NME8: variants seen among roughly 807,000 people sequenced by gnomAD.
NME8 encodes the protein NME/NM23 family member 8, also known as protein NME8.
NME8 carries 72 observed loss-of-function variants against 82.3 expected under a neutral mutation model. The ratio of observed to expected loss-of-function variants is 0.87; its 90% CI spans 0.72 to 1.06. The LOEUF is 1.06. Among genes scored for constraint, NME8 ranks in the 50% least tolerant of loss-of-function variants. NME8 has a pLI of 0.00. For synonymous variants in NME8, 267 were observed against 228.5 expected, an observed-to-expected ratio of 1.17 and a Z score of -1.52; for missense variants, 712 against 685.4, an observed-to-expected ratio of 1.04 and a Z score of -0.43.
intron 15 of NME8, among the ~76,000 whole-genome samples, chr7:37,890,147 G>T (rs541816806): frequency 1.3e-5 from 2 of 151,790 alleles, no homozygotes; most frequent in African/African-American, 4.8e-5. Flanking sequence ...GTACATTTTT[G>T]CCCATTTATT....
chr7:37,873,205 C>A (rs1010028934), intron 11 of NME8, among the ~76,000 whole-genome samples: 14 of 151,970 alleles, frequency 9.2e-5, no homozygotes, highest in African/African-American at 3.1e-4. Flanking sequence ...ACTAAACATG[C>A]AAAAATTGGC....
intron 11 of NME8, among the ~76,000 whole-genome samples, chr7:37,872,858 C>G (rs891381926): frequency 6.6e-6 from 1 of 152,074 alleles, no homozygotes; most frequent in East Asian, 1.9e-4. Context: ...AATAGTCCAC[C>G]CTCAACTGAT....
chr7:37,881,239 T>A (rs1010366243), intron 12 of NME8, among the ~76,000 whole-genome samples: 8 of 152,196 alleles, frequency 5.3e-5, no homozygotes, highest in Non-Finnish European at 1.0e-4. Flanking sequence ...TTTTTTCCGA[T>A]CTTAGAGGCA....
chr7:37,857,456 A>G, intron 6 of NME8, 111 bp downstream of exon 6: 1 of 735,146 alleles, frequency 1.4e-6, no homozygotes, highest in Non-Finnish European at 2.4e-6. Flanking sequence ...TAATTACACA[A>G]TGTTTGCCTT....
rs61443187 is a variant in NME8, at chr7:37,863,218, T to G, written c.388-178T>G. On this transcript the variant is annotated intron_variant, in intron 7 of 17. Transcript: ENST00000199447. ...GCCCCTTCCATTTTAAAACATCCCT[T>G]ATTTTATTTAAGTGGAAAGCTGGAG... Among the ~76,000 whole-genome samples the G allele has an allele frequency of 0.028, 4,308 of 152,256 alleles. 184 individuals are homozygous for G. The highest frequency in any genetic ancestry group is 0.093 in the African/African-American group (3,846 of 41,526).
intron 12 of NME8, among the ~76,000 whole-genome samples, chr7:37,882,611 GA>G: frequency 2.0e-5 from 1 of 49,286 alleles, no homozygotes; most frequent in Middle Eastern, 0.016. Flanking sequence ...GAGAGAGAGA[GA>G]GAGAAAGAAA....
chr7:37,867,186 T>G (rs2131951700), intron 10 of NME8, among the ~76,000 whole-genome samples: 1 of 152,260 alleles, frequency 6.6e-6, no homozygotes, highest in Middle Eastern at 3.4e-3. Context: ...AGCTATCAAT[T>G]ATCAATTTAC....
intron 16 of NME8, 142 bp downstream of exon 16, chr7:37,894,752 C>CT: frequency 1.1e-6 from 1 of 883,462 alleles, no homozygotes; most frequent in Non-Finnish European, 1.7e-6. Flanking sequence ...CATGGTTCAT[C>CT]TTTTTTCTAT....
chr7:37,873,938 T>G (rs1784809922), intron 11 of NME8, among the ~76,000 whole-genome samples: 1 of 152,186 alleles, frequency 6.6e-6, no homozygotes, highest in Non-Finnish European at 1.5e-5. Context: ...TGGCAGCAAT[T>G]GAGAATAAGT....
rs1012039056 is a variant in NME8 at position 37,849,033 on chromosome 7, A to G, written c.-31A>G. The G allele has an allele frequency of 2.6e-5, 4 of 152,256 alleles. No individual in the cohort carries two copies. Among genetic ancestry groups the G allele is most frequent in the African/African-American group, 9.7e-5 (4 of 41,442 alleles). The allele number at this position is 152,256 out of a possible 1,614,324, so 9.4% of individuals were successfully genotyped here. A position where few individuals can be genotyped will look rare whatever the true frequency, so the allele number is the denominator to read the frequency against. ...TCCTTTTCTTTAAACGTCCCAGTCT[A>G]GCTTAGAGGAGGACCTGTTTTGTGT... On this transcript the variant is annotated 5_prime_UTR_variant, in exon 2 of 18. Coordinates refer to ENST00000199447, the MANE Select transcript of NME8 (RefSeq NM_016616.5).
Position 37,851,981 on chromosome 7 carries a change from T to C in NME8, c.198+1246T>C, listed in dbSNP as rs1180062207. Among the ~76,000 whole-genome samples the C allele has an allele frequency of 2.6e-5, 4 of 152,294 alleles. No homozygotes were observed. The East Asian group carries it at 7.7e-4, about 29-fold the overall frequency. Reference sequence around the variant, plus strand: ...TAAATGCATTTTCCATAGGACTTATTTTCCTTAGTTCAAGATGATGAATAA... The same window carrying C: ...TAAATGCATTTTCCATAGGACTTATCTTCCTTAGTTCAAGATGATGAATAA... On this transcript the variant is annotated intron_variant, in intron 5 of 17. Transcript: ENST00000199447.
chr7:37,888,421 A>T lies in NME8; in HGVS notation c.1392A>T (p.Glu464Asp). ...LGLIKPHATS[E>D]QREQILKIVK... ...TGATTAAACCTCATGCAACAAGTGA[A>T]CAAAGAGGTAAATATTTAAGAATAA... Residue 464 changes from glutamate to aspartate, a missense_variant, in exon 15 of 18, where the codon GAA (glutamate) becomes GAT (aspartate). Physicochemically the swap from Glu to Asp is conservative, Grantham distance 45. Coordinates refer to ENST00000199447, the MANE Select transcript of NME8 (RefSeq NM_016616.5). 3 of 1,612,592 alleles carry T rather than the reference A, an allele frequency of 1.9e-6. No individual in the cohort carries two copies. In the South Asian group the frequency reaches 3.3e-5, roughly 18 times the overall value.
In NME8 at chr7:37,888,350, G is replaced by A. The variant is rs769915016; in HGVS notation, c.1321G>A (p.Glu441Lys). ...LYGSDSLETAEREIQHFFPLQ... is the reference protein window; with the variant it reads ...LYGSDSLETAKREIQHFFPLQ... ...TGGCAGCGATTCATTAGAAACCGCT[G>A]AAAGGGAAATACAGCATTTCTTTCC... Residue 441 changes from glutamate to lysine, a missense_variant, in exon 15 of 18, where the codon GAA becomes AAA. Transcript: ENST00000199447. 1.2e-6 allele frequency: 2 copies of A among 1,613,596 alleles called. No individual in the cohort carries two copies. Among genetic ancestry groups the A allele is most frequent in the Non-Finnish European group, 1.7e-6 (2 of 1,179,680 alleles).
intron 6 of NME8, among the ~76,000 whole-genome samples, chr7:37,861,296 A>G (rs1465473798): frequency 6.6e-6 from 1 of 152,080 alleles, no homozygotes; most frequent in African/African-American, 2.4e-5. Context: ...GTCACTTGCC[A>G]TCTTCCCTTC....
rs183191142 is a variant in NME8 at position 37,897,578 on chromosome 7, G to A, written c.*15+471G>A. On this transcript the variant is annotated intron_variant, in intron 17 of 17. Transcript: ENST00000199447. ...CCAAAACAAAAAATAGGATGCATGC[G>A]CAGAACGTGCAGGTTTGTTGCATAG... 1.4e-4 allele frequency among the ~76,000 whole-genome samples: 21 copies of A among 152,152 alleles called. 1 individual carries two copies. In the East Asian group the frequency reaches 3.7e-3, roughly 27 times the overall value.
rs142450697 is a variant in NME8 at position 37,870,923 on chromosome 7, T to C, written c.818+3025T>C. Among the ~76,000 whole-genome samples the C allele has an allele frequency of 2.0e-5, 3 of 152,350 alleles. No individual in the cohort carries two copies. In the East Asian group the frequency reaches 5.8e-4, roughly 29 times the overall value. ...TCTGGAGGGAGGGCCTGATAGGCAC[T>C]GTCACTTCCATGTGACATCTTTCAA... On this transcript the variant is annotated intron_variant, in intron 11 of 17. Transcript: ENST00000199447.
In NME8 at chr7:37,885,183, G is replaced by A. The variant is rs1361595994; in HGVS notation, c.1178G>A (p.Gly393Asp). The change falls in exon 14 of 18, where the codon GGC becomes GAC. Residue 393 changes from glycine to aspartate, a missense_variant. By Grantham distance (94) the Gly-to-Asp change is moderately conservative (BLOSUM62 -1). Coordinates refer to ENST00000199447, the MANE Select transcript of NME8 (RefSeq NM_016616.5). Reference sequence around the variant, plus strand: ...GCCCTTGTTTTATTGAGAGACAATGGCTTGCAATACTGGAAACAATTACTG... The same window carrying A: ...GCCCTTGTTTTATTGAGAGACAATGACTTGCAATACTGGAAACAATTACTG... The part of the protein sequence containing the change: ...SLALVLLRDN[G>D]LQYWKQLLGP... 1 of 1,613,358 alleles carries A rather than the reference G, an allele frequency of 6.2e-7. No individual in the cohort carries two copies. The highest frequency in any genetic ancestry group is 8.5e-7 in the Non-Finnish European group (1 of 1,179,560).
intron 12 of NME8, among the ~76,000 whole-genome samples, chr7:37,880,957 A>T (rs1039843695): frequency 6.6e-6 from 1 of 152,136 alleles, no homozygotes; most frequent in African/African-American, 2.4e-5. Context: ...ATAGAAAAAA[A>T]TTGACTTTTG....
Position 37,876,875 on chromosome 7 carries a change from G to A in NME8, c.862G>A (p.Asp288Asn), listed in dbSNP as rs1377475772. The change falls in exon 12 of 18, where the codon GAC (aspartate) becomes AAC (asparagine). Residue 288 changes from aspartate to asparagine, a missense_variant. Physicochemically the swap from Asp to Asn is conservative, Grantham distance 23. Transcript: ENST00000199447. ...AAGACAACATTTAGCTCAGCTCTGT[G>A]ACATTGAAGAGGATGCAGCTAATGT... is the stretch of plus-strand genomic sequence containing the variant. ...LERQHLAQLC[D>N]IEEDAANVAK... 3 of 1,612,974 alleles carry A rather than the reference G, an allele frequency of 1.9e-6. No homozygotes were observed. The highest frequency in any genetic ancestry group is 2.5e-6 in the Non-Finnish European group (3 of 1,179,408).
Sources: gnomAD v4.1 joint callset for allele counts (sites outside exome capture counted in the v4.1 genomes callset) on GRCh38, gnomAD v4.1.1 for gene constraint, MANE v1.5 for transcripts, NCBI Gene and HGNC (gene_info 2026-07-23, HGNC 2026-07-21) for gene names.